The following METTL8 variants were observed in gnomAD, a reference collection of about 807,000 sequenced individuals.
METTL8 encodes the protein methyltransferase 8, tRNA N3-cytidine.
A neutral mutation model predicts 48.7 loss-of-function variants in METTL8; 32 were observed. That is an observed-to-expected ratio of 0.66 (90% CI 0.50 to 0.88). The LOEUF (loss-of-function observed/expected upper bound fraction) is 0.88, where lower values mean the gene tolerates loss of function less well. METTL8 is among the 40% of genes least tolerant of loss of function. The pLI is 0.00. For missense variants in METTL8, 464 were observed against 474.4 expected (o/e 0.98, Z 0.20); for synonymous variants, 136 against 157.1 (o/e 0.87, Z 1.01).
chr2:171,429,794 G>A (rs796703885), intron 1 of METTL8, among the ~76,000 whole-genome samples: 2 of 152,144 alleles, frequency 1.3e-5, no homozygotes, highest in African/African-American at 4.8e-5. Context: ...AATCCCAGCA[G>A]TTTGGGAGGC....
chr2:171,374,569 G>A (rs992054530), intron 2 of METTL8, among the ~76,000 whole-genome samples: 7 of 152,116 alleles, frequency 4.6e-5, no homozygotes, highest in Non-Finnish European at 1.0e-4. Flanking sequence ...AGACACTTGT[G>A]AAATTTTCAC....
At chr2:171,337,244 A>C (rs553263979) in intron 5 of METTL8, among the ~76,000 whole-genome samples, 1 of 152,312 alleles carries the variant, frequency 6.6e-6, no homozygotes, top group Admixed American at 6.5e-5. Flanking sequence ...TGGACAACCC[A>C]TGGCTACGAA....
intron 5 of METTL8, among the ~76,000 whole-genome samples, chr2:171,336,052 C>T (rs1056109088): frequency 4.6e-5 from 7 of 150,652 alleles, no homozygotes; most frequent in African/African-American, 7.3e-5. Flanking sequence ...AAATGGTGAA[C>T]AGGAAGGGTG....
chr2:171,383,679 A>C (rs190322471), intron 2 of METTL8, among the ~76,000 whole-genome samples: 27 of 152,344 alleles, frequency 1.8e-4, no homozygotes, highest in African/African-American at 6.5e-4. Context: ...TTAAACCAAG[A>C]ACATTGTGAA....
chr2:171,336,689 A>G (rs866583908), intron 5 of METTL8, among the ~76,000 whole-genome samples: 1 of 152,112 alleles, frequency 6.6e-6, no homozygotes, highest in African/African-American at 2.4e-5. Flanking sequence ...ATGATTTGGC[A>G]TGCAAACATC....
chr2:171,336,187 C>T (rs532182192), intron 5 of METTL8, among the ~76,000 whole-genome samples: 2 of 152,192 alleles, frequency 1.3e-5, no homozygotes, highest in African/African-American at 4.8e-5. Context: ...CCTCCACCTC[C>T]TGGGTTCAAG....
chr2:171,323,162 C>CT lies in METTL8; in HGVS notation c.*1009dup, dbSNP rs1408179653. The CT allele has an allele frequency of 6.6e-6, 1 of 151,440 alleles. No homozygotes were observed. Among genetic ancestry groups the CT allele is most frequent in the African/African-American group, 2.4e-5 (1 of 41,170 alleles). 9.4% of individuals were successfully genotyped at this position (151,440 alleles called of 1,614,324 possible). ...GTCTCAGCTTCATTTTACACAGTCC[C>CT]TATTCAAGATGAAGTTGCTCTGGTT... On this transcript the variant is annotated 3_prime_UTR_variant, in exon 10 of 10. Coordinates refer to ENST00000375258, the MANE Select transcript of METTL8 (RefSeq NM_001321154.2).
chr2:171,355,708 G>T (rs555920593), intron 3 of METTL8, among the ~76,000 whole-genome samples: 2 of 152,200 alleles, frequency 1.3e-5, no homozygotes, highest in Non-Finnish European at 2.9e-5. Flanking sequence ...CTTGCAGTTC[G>T]ATCTCAGACT....
At chr2:171,330,869 T>C (rs1032289047) in intron 6 of METTL8, among the ~76,000 whole-genome samples, 171 bp from the exon 7 acceptor site, 1 of 152,100 alleles carries the variant, frequency 6.6e-6, no homozygotes, top group African/African-American at 2.4e-5. Context: ...CAAGCTGCCC[T>C]AAAAAAATTA....
intron 1 of METTL8, among the ~76,000 whole-genome samples, chr2:171,395,487 T>G (rs1326084136): frequency 2.0e-5 from 3 of 151,784 alleles, no homozygotes; most frequent in African/African-American, 7.3e-5. Flanking sequence ...AAGAAACAAA[T>G]AGATTAACGT....
At chr2:171,379,634 A>T (rs1308821989) in intron 2 of METTL8, among the ~76,000 whole-genome samples, 1 of 152,210 alleles carries the variant, frequency 6.6e-6, no homozygotes, top group Non-Finnish European at 1.5e-5. Flanking sequence ...CTTCCAGGCA[A>T]ATAAGCTAGA....
rs139088735 is a variant in METTL8, at chr2:171,400,524, C to T, written c.-12-8327G>A. On this transcript the variant is annotated intron_variant, in intron 1 of 9. Transcript: ENST00000375258. ...AGCAAGCAATGCCATTGGTAGTCAG[C>T]AGTCCCCAGATTTAGGAAAGCACAG... Among the ~76,000 whole-genome samples, 4 of 152,266 alleles carry T rather than the reference C, an allele frequency of 2.6e-5. No homozygotes were observed. The East Asian group carries it at 7.7e-4, about 29-fold the overall frequency.
At chr2:171,424,013 G>T (rs1484699572) in intron 1 of METTL8, among the ~76,000 whole-genome samples, 1 of 152,186 alleles carries the variant, frequency 6.6e-6, no homozygotes, top group Non-Finnish European at 1.5e-5. Context: ...TTGGTGCCCT[G>T]CACCCCAGCT....
intron 1 of METTL8, among the ~76,000 whole-genome samples, chr2:171,410,350 T>A (rs1574185608): frequency 6.6e-6 from 1 of 152,214 alleles, no homozygotes; most frequent in Non-Finnish European, 1.5e-5. Context: ...TTTTCCCAAA[T>A]AGCTGAAACA....
At chr2:171,364,379 G>C (rs1319259152) in intron 2 of METTL8, among the ~76,000 whole-genome samples, 1 of 151,868 alleles carries the variant, frequency 6.6e-6, no homozygotes, top group Non-Finnish European at 1.5e-5. Flanking sequence ...CTTATAATAA[G>C]AAGGAAGTTA....
At position 171,316,812 on chromosome 2, in the gene METTL8, A is replaced by G. The variant is rs1684284895; in HGVS notation, c.*7360T>C. On this transcript the variant is annotated 3_prime_UTR_variant, in exon 10 of 10. Transcript: ENST00000375258. ...AATTTCTTTCTTGTTTCAATGCAGC[A>G]TGTGATACTGGCAATTTCAGCCATT... is the stretch of plus-strand genomic sequence containing the variant. Among the ~76,000 whole-genome samples, 1 of 152,242 alleles carries G rather than the reference A, an allele frequency of 6.6e-6. No homozygotes were observed.
upstream of METTL8, chr2:171,434,672 A>G (rs748586810): frequency 1.8e-5 from 27 of 1,512,074 alleles, no homozygotes; most frequent in African/African-American, 2.9e-5. Context: ...CAGAGGACCA[A>G]CCTGGGCATC....
intron 1 of METTL8, among the ~76,000 whole-genome samples, chr2:171,397,353 A>T (rs1574128233): frequency 5.8e-5 from 1 of 17,208 alleles, no homozygotes; most frequent in African/African-American, 1.2e-4. Context: ...CCCTGTCTCT[A>T]AAAAAAAAAA....
intron 3 of METTL8, among the ~76,000 whole-genome samples, chr2:171,357,811 C>A (rs1684748261): frequency 6.6e-6 from 1 of 152,054 alleles, no homozygotes; most frequent in African/African-American, 2.4e-5. Flanking sequence ...CCTCTAGCTG[C>A]AGCCCCCTGA....
Sources: allele counts gnomAD v4.1 joint callset (sites outside exome capture counted in the v4.1 genomes callset), GRCh38; gene constraint gnomAD v4.1.1; transcripts MANE v1.5; gene names NCBI Gene and HGNC (gene_info 2026-07-23, HGNC 2026-07-21).